The following RAD51B variants were observed in gnomAD, a reference collection of about 807,000 sequenced individuals.
The protein encoded by RAD51B is RAD51 paralog B.
RAD51B carries 38 observed loss-of-function variants against 42.2 expected under a neutral mutation model. The ratio of observed to expected loss-of-function variants is 0.90; its 90% CI spans 0.70 to 1.18. The LOEUF is 1.18. RAD51B is among the 50% of genes most tolerant of loss of function. The pLI is 0.00. For synonymous variants in RAD51B, 154 were observed against 145.2 expected, an observed-to-expected ratio of 1.06 and a Z score of -0.43; for missense variants, 373 against 400.7, an observed-to-expected ratio of 0.93 and a Z score of 0.59.
chr14:68,273,967 A>C (rs772179275), intron 7 of RAD51B, among the ~76,000 whole-genome samples: 29 of 152,302 alleles, frequency 1.9e-4, no homozygotes, highest in Non-Finnish European at 3.4e-4. Flanking sequence ...ATGTTTTACA[A>C]ATCTAGTAAT....
chr14:68,120,408 A>C (rs1232849442), intron 7 of RAD51B, among the ~76,000 whole-genome samples: 3 of 152,172 alleles, frequency 2.0e-5, no homozygotes, highest in Admixed American at 2.0e-4. Context: ...AAGTGGTTTA[A>C]GTTTCTAGCC....
At chr14:68,618,266 T>G (rs1012519887) in intron 10 of RAD51B, among the ~76,000 whole-genome samples, 1 of 152,204 alleles carries the variant, frequency 6.6e-6, no homozygotes, top group Admixed American at 6.5e-5. Flanking sequence ...ACCATTGACC[T>G]CTAGTTTCTA....
chr14:67,906,727 GTTGCTGGTAATGTCCCCT>G (rs1397759954), intron 7 of RAD51B, among the ~76,000 whole-genome samples: 2 of 151,938 alleles, frequency 1.3e-5, no homozygotes, highest in African/African-American at 4.8e-5. Context: ...TTTCTGTGGG[GTTGCTGGTAATGTCCCCT>G]TTGTGTGTTG....
chr14:67,930,690 C>CT (rs1163884564), intron 7 of RAD51B, among the ~76,000 whole-genome samples: 1 of 152,110 alleles, frequency 6.6e-6, no homozygotes, highest in East Asian at 1.9e-4. Context: ...CGCATTGGAT[C>CT]ACTGGTCTTC....
At chr14:68,053,863 T>A (rs947722834) in intron 7 of RAD51B, among the ~76,000 whole-genome samples, 5 of 152,238 alleles carry the variant, frequency 3.3e-5, no homozygotes, top group Non-Finnish European at 5.9e-5. Flanking sequence ...ATAATTCTGT[T>A]GGTAAATATT....
intron 11 of RAD51B, among the ~76,000 whole-genome samples, chr14:68,657,226 G>T (rs989259094): frequency 6.6e-5 from 10 of 152,058 alleles, no homozygotes; most frequent in Non-Finnish European, 1.2e-4. Flanking sequence ...GCGGTGGGGG[G>T]AATGCTGAGG....
In RAD51B at chr14:68,604,611, G is replaced by A. The variant is rs113145440; in HGVS notation, c.1037-6395G>A. On this transcript the variant is annotated intron_variant, in intron 10 of 10. Transcript: ENST00000487861. ...GCCCTGCCCATTAACAGCTGTGACC[G>A]CAGAAAATGCCCCAGCGGCAGCGCC... 5.2e-3 allele frequency among the ~76,000 whole-genome samples: 789 copies of A among 152,274 alleles called. 7 individuals are homozygous for A. The highest frequency in any genetic ancestry group is 0.018 in the African/African-American group (733 of 41,564).
At chr14:68,238,893 C>T (rs1475807918) in intron 7 of RAD51B, among the ~76,000 whole-genome samples, 1 of 152,156 alleles carries the variant, frequency 6.6e-6, no homozygotes, top group Non-Finnish European at 1.5e-5. Context: ...GTTTCTGGAT[C>T]TATATCAGAG....
intron 9 of RAD51B, among the ~76,000 whole-genome samples, chr14:68,423,700 AC>A (rs1265066939): frequency 1.3e-5 from 2 of 152,198 alleles, no homozygotes; most frequent in Admixed American, 6.5e-5. Context: ...TAATTGCAGA[AC>A]AATTTTTTTT....
At chr14:68,514,676 G>A (rs1886005809) in intron 10 of RAD51B, among the ~76,000 whole-genome samples, 2 of 152,264 alleles carry the variant, frequency 1.3e-5, no homozygotes, top group Admixed American at 6.5e-5. Flanking sequence ...TTTGGCGGGT[G>A]GAAGTTGGGA....
chr14:68,582,527 G>A (rs981478130), intron 10 of RAD51B, among the ~76,000 whole-genome samples: 2 of 152,206 alleles, frequency 1.3e-5, no homozygotes, highest in Non-Finnish European at 2.9e-5. Flanking sequence ...GAGGACGGGA[G>A]AAATAGGAAT....
intron 10 of RAD51B, among the ~76,000 whole-genome samples, chr14:68,471,311 TC>T (rs1192674350): frequency 6.6e-6 from 1 of 152,130 alleles, no homozygotes; most frequent in Non-Finnish European, 1.5e-5. Context: ...TAGGGAATGA[TC>T]CCTCAGTGCC....
rs1051735324 is a variant in RAD51B, at chr14:68,540,191, T to A, written c.1037-54294T>A. The A allele has an allele frequency of 7.1e-5, 62 of 874,428 alleles. No individual in the cohort carries two copies. In the African/African-American group the frequency reaches 9.8e-4, roughly 14 times the overall value. 54.2% of individuals were successfully genotyped at this position (874,428 alleles called of 1,614,324 possible). A position where few individuals can be genotyped will look rare whatever the true frequency, so the allele number is the denominator to read the frequency against. On this transcript the variant is annotated intron_variant, in intron 10 of 10. Transcript: ENST00000487270. ...CTTTTTTTTTTTTTTTTTTTTTTTTTAAATACAGGATCTAGAGAATTCAAA... is the reference window on the plus strand; with the variant it reads ...CTTTTTTTTTTTTTTTTTTTTTTTTAAAATACAGGATCTAGAGAATTCAAA...
intron 10 of RAD51B, among the ~76,000 whole-genome samples, chr14:68,512,673 C>T (rs946795175): frequency 2.0e-5 from 3 of 152,100 alleles, no homozygotes; most frequent in African/African-American, 7.2e-5. Flanking sequence ...GGCAGCCTCT[C>T]TTCTAGAAAC....
At chr14:68,086,610 T>G (rs2076989691) in intron 7 of RAD51B, among the ~76,000 whole-genome samples, 3 of 152,024 alleles carry the variant, frequency 2.0e-5, no homozygotes, top group Non-Finnish European at 4.4e-5. Context: ...TAAATGCTGA[T>G]AAGGAGTCAA....
At chr14:67,924,120 G>A (rs2044422800) in intron 7 of RAD51B, among the ~76,000 whole-genome samples, 1 of 151,990 alleles carries the variant, frequency 6.6e-6, no homozygotes, top group Non-Finnish European at 1.5e-5. Flanking sequence ...TGTAGATTCT[G>A]GATATTAGTC....
intron 7 of RAD51B, among the ~76,000 whole-genome samples, chr14:68,232,648 C>A (rs2080170496): frequency 6.6e-6 from 1 of 152,232 alleles, no homozygotes; most frequent in African/African-American, 2.4e-5. Context: ...AGTGAACAGC[C>A]AGAGTCAGCA....
intron 10 of RAD51B, among the ~76,000 whole-genome samples, chr14:68,636,674 T>C (rs1212486684): frequency 1.3e-5 from 2 of 151,772 alleles, no homozygotes; most frequent in African/African-American, 4.9e-5. Flanking sequence ...TGTTCGGAGG[T>C]TTGTATATGT....
At chr14:68,445,912 T>G (rs2085409634) in intron 9 of RAD51B, among the ~76,000 whole-genome samples, 1 of 152,202 alleles carries the variant, frequency 6.6e-6, no homozygotes. Flanking sequence ...CGGTTTAAGG[T>G]ATTGGAGGCA....
Sources: gnomAD v4.1 joint callset for allele counts (sites outside exome capture counted in the v4.1 genomes callset) on GRCh38, gnomAD v4.1.1 for gene constraint, MANE v1.5 for transcripts, NCBI Gene and HGNC (gene_info 2026-07-23, HGNC 2026-07-21) for gene names.